The following GPR137C variants were observed in gnomAD, a reference collection of about 807,000 sequenced individuals.
GPR137C encodes the protein integral membrane protein GPR137C.
In GPR137C, 27 loss-of-function variants were observed where a neutral mutation model predicts 43.4. That is an observed-to-expected ratio of 0.62 (90% CI 0.46 to 0.86). GPR137C has a LOEUF of 0.86. Among genes scored for constraint, GPR137C ranks in the 40% least tolerant of loss-of-function variants. The probability of loss-of-function intolerance (pLI) is 0.00; values close to 1 mark genes in which losing one functional copy is unlikely to be tolerated. For missense variants in GPR137C, 522 were observed against 534.6 expected (o/e 0.98, Z 0.23); for synonymous variants, 285 against 226.9 (o/e 1.26, Z -2.30).
At chr14:52,592,895 C>T (rs1360914702) in intron 1 of GPR137C, among the ~76,000 whole-genome samples, 2 of 152,158 alleles carry the variant, frequency 1.3e-5, no homozygotes, top group African/African-American at 4.8e-5. Flanking sequence ...GAGAGAGCAT[C>T]CTTGTCTTGT....
chr14:52,553,588 G>A lies in GPR137C; in HGVS notation c.441G>A (p.Ala147=), dbSNP rs1192573920. ...TCTGTCTCCTCAACCTCTACCTGGC[G>A]GAGGTAAGGCGGGAGGGCCGGCATG... The part of the protein sequence containing the change: ...STLCLLNLYL[A]EVICKVRCAT... Residue 147 remains alanine, a synonymous_variant, in exon 1 of 7, where the codon GCG becomes GCA. Transcript: ENST00000321662. 6.4e-7 allele frequency: 1 copy of A among 1,562,092 alleles called. No homozygotes were observed.
intron 1 of GPR137C, among the ~76,000 whole-genome samples, chr14:52,593,282 C>A (rs1033121705): frequency 2.0e-5 from 3 of 152,128 alleles, no homozygotes; most frequent in African/African-American, 7.2e-5. Context: ...GGATATTGAT[C>A]TAAAATTTTC....
intron 3 of GPR137C, among the ~76,000 whole-genome samples, chr14:52,611,126 A>G (rs931665980): frequency 1.3e-5 from 2 of 152,026 alleles, no homozygotes; most frequent in African/African-American, 4.8e-5. Context: ...TTGGGTCTAA[A>G]TTTTATTTAT....
intron 3 of GPR137C, among the ~76,000 whole-genome samples, chr14:52,630,408 A>G (rs2039280982): frequency 2.0e-5 from 3 of 152,092 alleles, no homozygotes; most frequent in Admixed American, 2.0e-4. Context: ...TTAATAATAC[A>G]TTACTTCTAA....
At chr14:52,631,022 A>G (rs1378114538) in intron 3 of GPR137C, among the ~76,000 whole-genome samples, 3 of 152,206 alleles carry the variant, frequency 2.0e-5, no homozygotes, top group Non-Finnish European at 4.4e-5. Context: ...TGATTTTCTG[A>G]AATATTTGAA....
At chr14:52,588,054 A>T (rs1020516414) in intron 1 of GPR137C, among the ~76,000 whole-genome samples, 1 of 152,238 alleles carries the variant, frequency 6.6e-6, no homozygotes, top group African/African-American at 2.4e-5. Flanking sequence ...ATATTGCTGT[A>T]TGTGATACTC....
chr14:52,622,484 C>T (rs12885337), intron 3 of GPR137C, among the ~76,000 whole-genome samples: 1 of 151,952 alleles, frequency 6.6e-6, no homozygotes, highest in African/African-American at 2.4e-5. Flanking sequence ...CAAGTATGTA[C>T]AAGTTTCTAA....
chr14:52,590,236 A>C (rs952758301), intron 1 of GPR137C, among the ~76,000 whole-genome samples: 1 of 151,116 alleles, frequency 6.6e-6, no homozygotes, highest in African/African-American at 2.4e-5. Context: ...AATAAAAATG[A>C]AAACATTTTA....
At chr14:52,589,367 A>G (rs2038752832) in intron 1 of GPR137C, among the ~76,000 whole-genome samples, 1 of 152,232 alleles carries the variant, frequency 6.6e-6, no homozygotes, top group African/African-American at 2.4e-5. Context: ...ACACTAAAAA[A>G]TGGTTAAATT....
chr14:52,560,002 A>T (rs992227128), intron 1 of GPR137C, among the ~76,000 whole-genome samples: 1 of 152,084 alleles, frequency 6.6e-6, no homozygotes, highest in Non-Finnish European at 1.5e-5. Flanking sequence ...ACAAAAAAAT[A>T]AAAAATTAGC....
intron 3 of GPR137C, chr14:52,611,559 C>A: frequency 2.5e-6 from 1 of 392,746 alleles, no homozygotes; most frequent in Non-Finnish European, 3.5e-6. Context: ...TTGGTATTTT[C>A]ATTGTTATAT....
At chr14:52,561,532 A>T (rs1027736257) in intron 1 of GPR137C, among the ~76,000 whole-genome samples, 4 of 152,232 alleles carry the variant, frequency 2.6e-5, no homozygotes, top group African/African-American at 9.6e-5. Flanking sequence ...TTGAACATGG[A>T]TGTACATAAT....
At chr14:52,555,632 A>T (rs2038180934) in intron 1 of GPR137C, among the ~76,000 whole-genome samples, 2 of 152,200 alleles carry the variant, frequency 1.3e-5, no homozygotes, top group South Asian at 4.1e-4. Flanking sequence ...AAAATCTGAA[A>T]GTCTTCCTGT....
intron 3 of GPR137C, among the ~76,000 whole-genome samples, chr14:52,607,995 T>G (rs926136993): frequency 6.6e-6 from 1 of 152,256 alleles, no homozygotes; most frequent in Non-Finnish European, 1.5e-5. Context: ...TTCAGTGTAT[T>G]GTGTCTTTAC....
intron 1 of GPR137C, among the ~76,000 whole-genome samples, chr14:52,585,415 C>T (rs1221164281): frequency 6.6e-6 from 1 of 152,204 alleles, no homozygotes; most frequent in African/African-American, 2.4e-5. Context: ...TGTCTCTCCA[C>T]TCTCCATCTT....
intron 3 of GPR137C, among the ~76,000 whole-genome samples, chr14:52,627,424 G>C (rs2039240659): frequency 6.6e-6 from 1 of 152,108 alleles, no homozygotes. Context: ...AATTGAAATT[G>C]ACAGGTTGGC....
intron 1 of GPR137C, among the ~76,000 whole-genome samples, chr14:52,597,621 A>G (rs2038872217): frequency 6.6e-6 from 1 of 152,210 alleles, no homozygotes; most frequent in African/African-American, 2.4e-5. Context: ...CCCATTATCT[A>G]AAGAATAATT....
intron 3 of GPR137C, among the ~76,000 whole-genome samples, chr14:52,606,737 A>G (rs2038987661): frequency 6.6e-6 from 1 of 152,192 alleles, no homozygotes. Flanking sequence ...TTTTTCAAAA[A>G]ACAAACTTTT....
Position 52,553,377 on chromosome 14 carries a change from G to C in GPR137C, c.230G>C (p.Arg77Pro). ...QLWRLLLYRE[R>P]RLSYQSLCLF... ...TGGCGGCTGCTCCTGTACCGCGAGCGGCGGCTGAGTTACCAGAGCCTCTGC... is the reference window on the plus strand; with the variant it reads ...TGGCGGCTGCTCCTGTACCGCGAGCCGCGGCTGAGTTACCAGAGCCTCTGC... Residue 77 changes from arginine to proline, a missense_variant, in exon 1 of 7, where the codon CGG becomes CCG. Coordinates refer to ENST00000321662, the MANE Select transcript of GPR137C (RefSeq NM_001099652.2). The C allele has an allele frequency of 6.2e-7, 1 of 1,604,776 alleles. No homozygotes were observed. The highest frequency in any genetic ancestry group is 8.5e-7 in the Non-Finnish European group (1 of 1,179,228).
Sources: allele counts gnomAD v4.1 joint callset (sites outside exome capture counted in the v4.1 genomes callset), GRCh38; gene constraint gnomAD v4.1.1; transcripts MANE v1.5; gene names NCBI Gene and HGNC (gene_info 2026-07-23, HGNC 2026-07-21).